RERE: variants seen among roughly 807,000 people sequenced by gnomAD.
RERE encodes the protein arginine-glutamic acid dipeptide repeats.
In RERE, 40 loss-of-function variants were observed where a neutral mutation model predicts 146.1. That is an observed-to-expected ratio of 0.27 (90% CI 0.21 to 0.36). The LOEUF is 0.36. RERE is among the 10% of genes least tolerant of loss of function. The pLI is 1.00. For synonymous variants in RERE, 1,003 were observed against 866.0 expected (o/e 1.16, Z -2.78); for missense variants, 1,933 against 2,138.7 (o/e 0.90, Z 1.90).
At chr1:8,508,766 TA>T in intron 7 of RERE, 91 bp from the exon 8 acceptor site, 1 of 1,041,356 alleles carries the variant, frequency 9.6e-7, no homozygotes, top group South Asian at 1.3e-5. Context: ...TCTCTTCAAA[TA>T]AATGAGGAAA....
intron 1 of RERE, among the ~76,000 whole-genome samples, chr1:8,681,620 T>A (rs1178066106): frequency 6.6e-6 from 1 of 152,208 alleles, no homozygotes; most frequent in East Asian, 1.9e-4. Flanking sequence ...CTATTAAACA[T>A]CTCAACAAAT....
chr1:8,591,489 T>C (rs957176410), intron 4 of RERE, among the ~76,000 whole-genome samples: 1 of 151,134 alleles, frequency 6.6e-6, no homozygotes, highest in Non-Finnish European at 1.5e-5. Flanking sequence ...CCAAGTATCA[T>C]CACCTATTTT....
chr1:8,512,975 G>A (rs1373407087), intron 7 of RERE: 1 of 151,990 alleles, frequency 6.6e-6, no homozygotes, highest in Admixed American at 6.6e-5. Flanking sequence ...AACCTCCCCA[G>A]GCTGGGCTGG....
At chr1:8,596,714 T>A (rs1319053369) in intron 4 of RERE, among the ~76,000 whole-genome samples, 2 of 146,980 alleles carry the variant, frequency 1.4e-5, no homozygotes, top group African/African-American at 5.0e-5. Flanking sequence ...TCTTGCTAAG[T>A]TGCCAGGGCT....
intron 1 of RERE, among the ~76,000 whole-genome samples, chr1:8,704,640 T>C (rs551981733): frequency 6.6e-5 from 10 of 152,286 alleles, no homozygotes; most frequent in African/African-American, 2.4e-4. Context: ...AACCCAGGGG[T>C]CCTGCTTTGT....
At chr1:8,384,917 A>G (rs1317936006) in intron 12 of RERE, among the ~76,000 whole-genome samples, 1 of 152,208 alleles carries the variant, frequency 6.6e-6, no homozygotes, top group Non-Finnish European at 1.5e-5. Flanking sequence ...CCGATGCAAC[A>G]ACCACATTGA....
At chr1:8,561,750 A>G (rs1646081345) in intron 4 of RERE, among the ~76,000 whole-genome samples, 1 of 152,252 alleles carries the variant, frequency 6.6e-6, no homozygotes, top group African/African-American at 2.4e-5. Context: ...TGAGGGAAGA[A>G]GAGAGCATCC....
chr1:8,810,953 A>G (rs1360518275), intron 1 of RERE, among the ~76,000 whole-genome samples: 1 of 152,176 alleles, frequency 6.6e-6, no homozygotes, highest in Non-Finnish European at 1.5e-5. Context: ...TAAAAGGAGA[A>G]TAAGACAAAT....
intron 10 of RERE, among the ~76,000 whole-genome samples, chr1:8,481,094 TC>T (rs1003852019): frequency 2.0e-5 from 3 of 152,076 alleles, no homozygotes; most frequent in African/African-American, 7.2e-5. Flanking sequence ...AAACAGCAAA[TC>T]CTCCAAATTA....
At chr1:8,485,095 C>G (rs1644881325) in intron 10 of RERE, among the ~76,000 whole-genome samples, 1 of 152,184 alleles carries the variant, frequency 6.6e-6, no homozygotes, top group Non-Finnish European at 1.5e-5. Context: ...GATCCGGTGG[C>G]TTACTCCTGT....
intron 12 of RERE, among the ~76,000 whole-genome samples, chr1:8,420,858 G>C (rs1254170463): frequency 6.6e-6 from 1 of 152,164 alleles, no homozygotes; most frequent in African/African-American, 2.4e-5. Context: ...CAAAAGGTTG[G>C]TGTACTGAGA....
chr1:8,685,331 A>G (rs1570606497), intron 1 of RERE, among the ~76,000 whole-genome samples: 1 of 152,378 alleles, frequency 6.6e-6, no homozygotes, highest in Middle Eastern at 3.4e-3. Context: ...AGTTTCAATA[A>G]CAATTATCAT....
chr1:8,685,594 G>A (rs1223394242), intron 1 of RERE, among the ~76,000 whole-genome samples: 4 of 152,048 alleles, frequency 2.6e-5, no homozygotes, highest in South Asian at 2.1e-4. Context: ...AAAATCAGCC[G>A]GGTGTGGTGG....
intron 12 of RERE, among the ~76,000 whole-genome samples, chr1:8,370,299 A>C (rs1395938061): frequency 6.6e-6 from 1 of 152,136 alleles, no homozygotes; most frequent in Non-Finnish European, 1.5e-5. Context: ...CAGAGATCAC[A>C]AAAACCAAAC....
chr1:8,601,238 C>T (rs1646621639), intron 4 of RERE, among the ~76,000 whole-genome samples: 1 of 151,826 alleles, frequency 6.6e-6, no homozygotes, highest in Admixed American at 6.6e-5. Context: ...GGCTGGTTTC[C>T]AACTCCTGAC....
At chr1:8,403,340 A>C (rs1643328161) in intron 12 of RERE, among the ~76,000 whole-genome samples, 1 of 152,104 alleles carries the variant, frequency 6.6e-6, no homozygotes, top group Non-Finnish European at 1.5e-5. Flanking sequence ...TGTGTATTTA[A>C]AATTCTCTCC....
chr1:8,639,094 T>C (rs1488960601), intron 2 of RERE, among the ~76,000 whole-genome samples: 1 of 152,078 alleles, frequency 6.6e-6, no homozygotes, highest in Non-Finnish European at 1.5e-5. Flanking sequence ...TTGAAGTCTA[T>C]AGCCAAATAT....
rs766239539 is a variant in RERE, at chr1:8,358,263, C to G, written c.4272G>C (p.Pro1424=). 3 of 1,612,846 alleles carry G rather than the reference C, an allele frequency of 1.9e-6. No homozygotes were observed. The highest frequency in any genetic ancestry group is 1.7e-6 in the Non-Finnish European group (2 of 1,179,096). ...LARLQMFNVT[P]HHHQHSHIHS... ...GAATGTGAGAGTGCTGGTGATGGTG[C>G]GGAGTCACGTTGAACATCTGCAGTC... is the stretch of plus-strand genomic sequence containing the variant. The change falls in exon 20 of 23, where the codon CCG becomes CCC. Residue 1424 remains proline (P), a synonymous_variant. Coordinates refer to ENST00000400908, the MANE Select transcript of RERE (RefSeq NM_001042681.2).
chr1:8,451,810 TA>T lies in RERE; in HGVS notation c.1203+14114del, dbSNP rs1356238371. Among the ~76,000 whole-genome samples the T allele has an allele frequency of 2.6e-5, 4 of 152,294 alleles. No homozygotes were observed. In the East Asian group the frequency reaches 7.7e-4, roughly 29 times the overall value. ...CATTTTCAAGTTCTCCCGATGACTC[TA>T]ACGCACAGCCAAGTTTACAAGACGT... On this transcript the variant is annotated intron_variant, in intron 11 of 22. Coordinates refer to ENST00000400908, the MANE Select transcript of RERE (RefSeq NM_001042681.2).
Sources: allele counts gnomAD v4.1 joint callset (sites outside exome capture counted in the v4.1 genomes callset), GRCh38; gene constraint gnomAD v4.1.1; transcripts MANE v1.5; gene names NCBI Gene and HGNC (gene_info 2026-07-23, HGNC 2026-07-21).